The following PHACTR1 variants were observed in gnomAD, a reference collection of about 807,000 sequenced individuals.
The protein encoded by PHACTR1 is RPEL repeat containing 1.
PHACTR1 carries 16 observed loss-of-function variants against 69.2 expected under a neutral mutation model. The ratio of observed to expected loss-of-function variants is 0.23; its 90% CI spans 0.16 to 0.35. PHACTR1 has a LOEUF of 0.35. PHACTR1 is among the 10% of genes least tolerant of loss of function. The pLI is 1.00. For synonymous variants in PHACTR1, 312 were observed against 284.5 expected (o/e 1.10, Z -0.97); for missense variants, 510 against 734.7 (o/e 0.69, Z 3.54).
chr6:13,087,789 G>A (rs1196832509), intron 5 of PHACTR1, among the ~76,000 whole-genome samples: 1 of 151,794 alleles, frequency 6.6e-6, no homozygotes, highest in Non-Finnish European at 1.5e-5. Flanking sequence ...GGGACTATAG[G>A]TGCATGCCAC....
chr6:12,955,192 C>CTTTTTTTTTTTTTTTTTT lies in PHACTR1; in HGVS notation c.251-98170_251-98153dup, dbSNP rs1161324144. The stretch of plus-strand genomic sequence containing the variant: ...ATCTATGGCTCACATTGTATTTCCT[C>CTTTTTTTTTTTTTTTTTT]TTTTTTTTTTTTTTTTTTTTGAGAG... On this transcript the variant is annotated intron_variant, in intron 4 of 14. Transcript: ENST00000332995. Among the ~76,000 whole-genome samples the CTTTTTTTTTTTTTTTTTT allele has an allele frequency of 7.7e-4, 80 of 103,284 alleles. 15 individuals are homozygous for CTTTTTTTTTTTTTTTTTT. Among genetic ancestry groups the CTTTTTTTTTTTTTTTTTT allele is most frequent in the African/African-American group, 3.6e-3 (71 of 19,520 alleles). 67.8% of individuals were successfully genotyped at this position (103,284 alleles called of 152,430 possible).
chr6:13,141,850 A>G (rs113545375), intron 5 of PHACTR1, among the ~76,000 whole-genome samples: 1,653 of 150,764 alleles, frequency 0.011, 27 homozygotes, highest in African/African-American at 0.036. Context: ...GATAGTATGC[A>G]GTTACTAAAG....
At chr6:12,977,460 CT>C (rs1795035055) in intron 4 of PHACTR1, among the ~76,000 whole-genome samples, 1 of 151,790 alleles carries the variant, frequency 6.6e-6, no homozygotes, top group Non-Finnish European at 1.5e-5. Flanking sequence ...GGACCCATTT[CT>C]TTTAGCTTAT....
At chr6:13,168,268 TTGAAAATG>T (rs1243280868) in intron 6 of PHACTR1, among the ~76,000 whole-genome samples, 11 of 152,322 alleles carry the variant, frequency 7.2e-5, no homozygotes, top group African/African-American at 2.2e-4. Context: ...AAATCCACCT[TTGAAAATG>T]TAAAGGTGTT....
At chr6:12,978,580 T>C (rs1427055112) in intron 4 of PHACTR1, among the ~76,000 whole-genome samples, 1 of 152,140 alleles carries the variant, frequency 6.6e-6, no homozygotes, top group Non-Finnish European at 1.5e-5. Flanking sequence ...ATTCTTTCCC[T>C]CCCCGCACCC....
At chr6:13,148,409 A>G (rs1002618658) in intron 5 of PHACTR1, among the ~76,000 whole-genome samples, 4 of 152,196 alleles carry the variant, frequency 2.6e-5, no homozygotes, top group African/African-American at 9.6e-5. Flanking sequence ...TATATGTAGC[A>G]AAACTAATTA....
intron 4 of PHACTR1, among the ~76,000 whole-genome samples, chr6:12,810,187 A>G (rs1200511374): frequency 6.6e-6 from 1 of 152,194 alleles, no homozygotes; most frequent in Non-Finnish European, 1.5e-5. Context: ...TTTTCTCTTC[A>G]TATAATATAC....
intron 5 of PHACTR1, among the ~76,000 whole-genome samples, chr6:13,132,096 C>G (rs922005765): frequency 2.6e-5 from 4 of 152,178 alleles, no homozygotes; most frequent in African/African-American, 9.7e-5. Context: ...GCATCAAATT[C>G]ATCTATTACA....
At chr6:12,906,015 C>G (rs933004607) in intron 4 of PHACTR1, among the ~76,000 whole-genome samples, 2 of 152,136 alleles carry the variant, frequency 1.3e-5, no homozygotes, top group Admixed American at 6.6e-5. Flanking sequence ...CACTTTATTT[C>G]TGCTTTTCTA....
intron 4 of PHACTR1, among the ~76,000 whole-genome samples, chr6:12,918,332 A>T (rs1787243149): frequency 6.6e-6 from 1 of 152,192 alleles, no homozygotes; most frequent in Non-Finnish European, 1.5e-5. Flanking sequence ...ACTCTTTTTG[A>T]ACAGTCTAGA....
At chr6:13,258,277 C>T (rs1775455468) in intron 10 of PHACTR1, among the ~76,000 whole-genome samples, 1 of 151,584 alleles carries the variant, frequency 6.6e-6, no homozygotes, top group Admixed American at 6.6e-5. Context: ...ATTGCTTGAA[C>T]CTGGGAGGCG....
chr6:12,938,423 C>T (rs191830798), intron 4 of PHACTR1, among the ~76,000 whole-genome samples: 13 of 152,202 alleles, frequency 8.5e-5, no homozygotes. Context: ...AGCACAAACC[C>T]GTGCACACCA....
At chr6:13,048,577 T>G (rs189756304) in intron 4 of PHACTR1, among the ~76,000 whole-genome samples, 3 of 150,334 alleles carry the variant, frequency 2.0e-5, no homozygotes, top group Non-Finnish European at 4.4e-5. Flanking sequence ...TTTTGTCACC[T>G]ATGCTGGAGT....
At position 13,179,274 on chromosome 6, in the gene PHACTR1, GAT is replaced by G. The variant is rs1207329808; in HGVS notation, c.497-3239_497-3238del. Among the ~76,000 whole-genome samples, 1 of 151,972 alleles carries G rather than the reference GAT, an allele frequency of 6.6e-6. No homozygotes were observed. The highest frequency in any genetic ancestry group is 2.4e-5 in the African/African-American group (1 of 41,366). Reference sequence around the variant, plus strand: ...CAACAACAACAACAAACCCAGTACTGATATATAAATAGCAGGACATGGAGAGA... The same window carrying G: ...CAACAACAACAACAAACCCAGTACTGATATAAATAGCAGGACATGGAGAGA... On this transcript the variant is annotated intron_variant, in intron 6 of 14. Coordinates refer to ENST00000332995, the MANE Select transcript of PHACTR1 (RefSeq NM_030948.6). This position sits in a 1 kb window ranked among gnomAD's most constrained non-coding sequence, Gnocchi z 4.2.
At chr6:13,177,244 G>A (rs1761464999) in intron 6 of PHACTR1, among the ~76,000 whole-genome samples, 1 of 149,156 alleles carries the variant, frequency 6.7e-6, no homozygotes. Flanking sequence ...CAGCTACTTG[G>A]GAGGCTGAAG....
At chr6:13,195,779 A>AAAAAAAAAAAAAAAAAAAAAAAAG (rs201554952) in intron 7 of PHACTR1, among the ~76,000 whole-genome samples, 16 of 118,586 alleles carry the variant, frequency 1.3e-4, no homozygotes, top group African/African-American at 2.6e-4. Flanking sequence ...AAAAAAAAAA[A>AAAAAAAAAAAAAAAAAAAAAAAAG]AGTTCATTTG....
At chr6:13,029,155 G>GT (rs1454623255) in intron 4 of PHACTR1, among the ~76,000 whole-genome samples, 1 of 152,212 alleles carries the variant, frequency 6.6e-6, no homozygotes, top group Non-Finnish European at 1.5e-5. Flanking sequence ...CTCACTGGTA[G>GT]TAAGTGTTGG....
At chr6:12,847,540 TTTAGTA>T (rs1309059329) in intron 4 of PHACTR1, among the ~76,000 whole-genome samples, 2 of 152,152 alleles carry the variant, frequency 1.3e-5, no homozygotes, top group Admixed American at 1.3e-4. Flanking sequence ...TAGTATTGAT[TTTAGTA>T]TTAGTATTAA....
chr6:12,864,321 G>A (rs898218294), intron 4 of PHACTR1, among the ~76,000 whole-genome samples: 1 of 152,166 alleles, frequency 6.6e-6, no homozygotes, highest in Non-Finnish European at 1.5e-5. Context: ...TTTTTAACAT[G>A]TTCTCAGGTG....
Sources: gnomAD v4.1 joint callset for allele counts (sites outside exome capture counted in the v4.1 genomes callset) on GRCh38, gnomAD v4.1.1 for gene constraint, Gnocchi (gnomAD v3.1) non-coding constraint, MANE v1.5 for transcripts, NCBI Gene and HGNC (gene_info 2026-07-23, HGNC 2026-07-21) for gene names.